The following LGSN variants were observed in gnomAD, a reference collection of about 807,000 sequenced individuals.
The protein encoded by LGSN is lengsin, lens protein with glutamine synthetase domain.
Under a neutral mutation model 19.5 loss-of-function variants are expected in LGSN, and 21 were observed. The observed-to-expected ratio is 1.07, with a 90% CI of 0.76 to 1.55. LGSN has a LOEUF of 1.55. Ranked by LOEUF, LGSN falls within the 40% of genes most tolerant of loss-of-function variation. LGSN has a pLI of 0.00. For missense variants in LGSN, 673 were observed against 608.5 expected (o/e 1.11, Z -1.12); for synonymous variants, 257 against 215.6 (o/e 1.19, Z -1.68).
the LGSN span, among the ~76,000 whole-genome samples, chr6:63,420,119 C>T: frequency 2.7e-5 from 4 of 150,540 alleles, no homozygotes; most frequent in Admixed American, 2.0e-4. Flanking sequence ...AGGAGAATGG[C>T]GTGAACTCGG....
At chr6:63,281,695 C>G (rs1171661200) in intron 3 of LGSN, among the ~76,000 whole-genome samples, 1 of 152,126 alleles carries the variant, frequency 6.6e-6, no homozygotes, top group African/African-American at 2.4e-5. Context: ...AAACAATTCT[C>G]AATCCTTCTC....
chr6:63,501,513 T>C, the LGSN span, among the ~76,000 whole-genome samples: 1,280 of 151,584 alleles, frequency 8.4e-3, 21 homozygotes, highest in African/African-American at 0.03. Context: ...AATATAAAAA[T>C]AAAAACAAAC....
chr6:63,537,663 A>G, the LGSN span, among the ~76,000 whole-genome samples: 7 of 152,378 alleles, frequency 4.6e-5, no homozygotes, highest in African/African-American at 1.7e-4. Context: ...GTGTGAAACC[A>G]CAAGCTGAGT....
At chr6:63,571,095 G>A in the LGSN span, 1 of 152,122 alleles carries the variant, frequency 6.6e-6, no homozygotes, top group Non-Finnish European at 1.5e-5. Flanking sequence ...TGTGTCGTAG[G>A]TGAGCCATTT....
At chr6:63,534,015 T>C in the LGSN span, among the ~76,000 whole-genome samples, 8 of 151,958 alleles carry the variant, frequency 5.3e-5, no homozygotes, top group Admixed American at 3.9e-4. Context: ...GGCTAATCTC[T>C]GTATTTTTAG....
the LGSN span, among the ~76,000 whole-genome samples, chr6:63,391,880 G>A: frequency 6.6e-6 from 1 of 152,196 alleles, no homozygotes; most frequent in African/African-American, 2.4e-5. Context: ...TTTGGACATG[G>A]AAGGACAATG....
the LGSN span, among the ~76,000 whole-genome samples, chr6:63,369,671 A>G: frequency 6.6e-6 from 1 of 152,234 alleles, no homozygotes; most frequent in Non-Finnish European, 1.5e-5. Flanking sequence ...TATTGAGTTT[A>G]CAGAATTCTT....
the LGSN span, among the ~76,000 whole-genome samples, chr6:63,488,962 C>T: frequency 6.6e-6 from 1 of 152,038 alleles, no homozygotes; most frequent in South Asian, 2.1e-4. Flanking sequence ...TCTGGAAAGT[C>T]ACTTGAAAAT....
chr6:63,289,071 C>G (rs887727947), intron 2 of LGSN, among the ~76,000 whole-genome samples: 8 of 152,202 alleles, frequency 5.3e-5, no homozygotes, highest in African/African-American at 1.9e-4. Context: ...CATTGCCTAT[C>G]AGCTCCTTGA....
the LGSN span, among the ~76,000 whole-genome samples, chr6:63,352,004 T>C: frequency 6.6e-6 from 1 of 152,210 alleles, no homozygotes; most frequent in Non-Finnish European, 1.5e-5. Flanking sequence ...CTCGTAGATA[T>C]GGTACTTAAG....
chr6:63,320,015 G>T, upstream of LGSN: 1 of 1,128,760 alleles, frequency 8.9e-7, no homozygotes, highest in Non-Finnish European at 1.4e-6. Flanking sequence ...GTATTTATAT[G>T]TGTACCTACA....
At chr6:63,476,573 C>A in the LGSN span, among the ~76,000 whole-genome samples, 1 of 152,156 alleles carries the variant, frequency 6.6e-6, no homozygotes, top group South Asian at 2.1e-4. Flanking sequence ...GCTGGGAGCT[C>A]AACTGGAGCT....
the LGSN span, among the ~76,000 whole-genome samples, chr6:63,517,908 C>T: frequency 6.6e-6 from 1 of 152,116 alleles, no homozygotes; most frequent in East Asian, 1.9e-4. Flanking sequence ...AATCCCAACA[C>T]TTTGGGAGTC....
chr6:63,485,988 C>A, the LGSN span, among the ~76,000 whole-genome samples: 1 of 152,064 alleles, frequency 6.6e-6, no homozygotes, highest in Admixed American at 6.6e-5. Flanking sequence ...TTTCAGCCTC[C>A]CAAAGTGCTG....
At chr6:63,494,397 G>A in the LGSN span, among the ~76,000 whole-genome samples, 1 of 152,084 alleles carries the variant, frequency 6.6e-6, no homozygotes, top group African/African-American at 2.4e-5. Flanking sequence ...CATGTAATAT[G>A]TATATATACA....
chr6:63,406,297 T>C, the LGSN span, among the ~76,000 whole-genome samples: 1 of 151,996 alleles, frequency 6.6e-6, no homozygotes, highest in East Asian at 1.9e-4. Flanking sequence ...CCTCAGCAAA[T>C]GTAAAAGAAC....
chr6:63,417,302 C>A, the LGSN span, among the ~76,000 whole-genome samples: 5 of 152,070 alleles, frequency 3.3e-5, no homozygotes, highest in Non-Finnish European at 7.4e-5. Context: ...CTCATCACAC[C>A]CATACCCCCA....
intron 1 of LGSN, among the ~76,000 whole-genome samples, chr6:63,306,003 G>T (rs1477591290): frequency 6.6e-6 from 1 of 152,040 alleles, no homozygotes; most frequent in Admixed American, 6.6e-5. Flanking sequence ...GGAGGTGGAG[G>T]TTACAGTGAG....
the LGSN span, among the ~76,000 whole-genome samples, chr6:63,462,402 G>A: frequency 6.6e-6 from 1 of 152,148 alleles, no homozygotes; most frequent in Non-Finnish European, 1.5e-5. Flanking sequence ...GGAGGCCAAG[G>A]CAGGTGGATC....
Sources: allele counts gnomAD v4.1 joint callset (sites outside exome capture counted in the v4.1 genomes callset), GRCh38; gene constraint gnomAD v4.1.1; transcripts MANE v1.5; gene names NCBI Gene and HGNC (gene_info 2026-07-23, HGNC 2026-07-21).